The following KCNIP4 variants were observed in gnomAD, a reference collection of about 807,000 sequenced individuals.
The protein encoded by KCNIP4 is potassium voltage-gated channel interacting protein 4, also known as Kv channel-interacting protein 4.
Under a neutral mutation model 34.0 loss-of-function variants are expected in KCNIP4, and 12 were observed. The ratio of observed to expected loss-of-function variants is 0.35; its 90% confidence interval spans 0.23 to 0.57. KCNIP4 has a LOEUF of 0.57. Among genes scored for constraint, KCNIP4 ranks in the 20% least tolerant of loss-of-function variants. The pLI, the probability that KCNIP4 is intolerant of heterozygous loss-of-function variation, is 0.83. For synonymous variants in KCNIP4, 124 were observed against 102.2 expected, an observed-to-expected ratio of 1.21 and a Z score of -1.29; for missense variants, 238 against 311.7, an observed-to-expected ratio of 0.76 and a Z score of 1.78.
intron 1 of KCNIP4, among the ~76,000 whole-genome samples, chr4:20,907,257 G>A (rs577304934): frequency 6.6e-6 from 1 of 152,190 alleles, no homozygotes; most frequent in African/African-American, 2.4e-5. Flanking sequence ...ACGGTGTTTT[G>A]GAAATTAAGA....
chr4:21,381,299 G>T (rs1012540521), intron 1 of KCNIP4, among the ~76,000 whole-genome samples: 34 of 152,142 alleles, frequency 2.2e-4, no homozygotes, highest in Non-Finnish European at 4.7e-4. Flanking sequence ...TACCTCTCCA[G>T]GAGGAACAGG....
intron 5 of KCNIP4, among the ~76,000 whole-genome samples, chr4:20,737,215 G>A (rs1373206557): frequency 1.3e-5 from 2 of 152,176 alleles, no homozygotes; most frequent in Admixed American, 6.5e-5. Context: ...AGGAGAAGCT[G>A]GCAAAGCATC....
At chr4:21,689,976 T>C (rs1479974917) in intron 1 of KCNIP4, among the ~76,000 whole-genome samples, 1 of 151,958 alleles carries the variant, frequency 6.6e-6, no homozygotes, top group Admixed American at 6.6e-5. Flanking sequence ...CTGATGTCAC[T>C]GCTATATCTC....
At position 21,528,755 on chromosome 4, in the gene KCNIP4, G is replaced by GA. The variant is rs1217049488; in HGVS notation, c.61+419815dup. Among the ~76,000 whole-genome samples, 10 of 9,304 alleles carry GA rather than the reference G, an allele frequency of 1.1e-3. 1 individual carries two copies. Among genetic ancestry groups the GA allele is most frequent in the African/African-American group, 4.8e-3 (10 of 2,078 alleles). 6.1% of individuals were successfully genotyped at this position (9,304 alleles called of 152,430 possible). ...AGAAAGAAAGAAAGAAAGAAAGAAA[G>GA]AAAGAAAGAAAGAAAGAAAGAAAGG... On this transcript the variant is annotated intron_variant, in intron 1 of 8. Coordinates refer to ENST00000382152, the MANE Select transcript of KCNIP4 (RefSeq NM_025221.6).
chr4:20,963,705 A>T (rs1354992906), intron 1 of KCNIP4, among the ~76,000 whole-genome samples: 1 of 152,134 alleles, frequency 6.6e-6, no homozygotes, highest in Non-Finnish European at 1.5e-5. Context: ...ATAAGAGGGC[A>T]CTAGACATGA....
intron 1 of KCNIP4, among the ~76,000 whole-genome samples, chr4:21,426,026 C>T (rs74867298): frequency 6.6e-6 from 1 of 152,232 alleles, no homozygotes; most frequent in African/African-American, 2.4e-5. Context: ...TCACTGCACT[C>T]CAGCCTGGGC....
intron 1 of KCNIP4, among the ~76,000 whole-genome samples, chr4:21,725,987 T>C (rs1226142777): frequency 6.6e-6 from 1 of 152,158 alleles, no homozygotes; most frequent in African/African-American, 2.4e-5. Flanking sequence ...TTTGGCAATA[T>C]GTGTTTTCTT....
At chr4:21,635,482 A>G (rs1746076381) in intron 1 of KCNIP4, among the ~76,000 whole-genome samples, 1 of 152,200 alleles carries the variant, frequency 6.6e-6, no homozygotes, top group Non-Finnish European at 1.5e-5. Context: ...GGCGAAGGAC[A>G]TGAACAGACA....
chr4:21,099,729 G>C (rs1747777622), intron 1 of KCNIP4, among the ~76,000 whole-genome samples: 1 of 152,110 alleles, frequency 6.6e-6, no homozygotes. Context: ...AAATCTTCTG[G>C]AAAGGATTCA....
At chr4:21,166,552 A>G (rs895362499) in intron 1 of KCNIP4, among the ~76,000 whole-genome samples, 2 of 152,276 alleles carry the variant, frequency 1.3e-5, no homozygotes, top group African/African-American at 2.4e-5. Context: ...AGAGAACAGA[A>G]AGCATATAGA....
At chr4:21,244,039 G>A (rs991391529) in intron 1 of KCNIP4, among the ~76,000 whole-genome samples, 1 of 152,158 alleles carries the variant, frequency 6.6e-6, no homozygotes, top group African/African-American at 2.4e-5. Flanking sequence ...GCTTTCCATA[G>A]AGGAGTAAGA....
intron 1 of KCNIP4, among the ~76,000 whole-genome samples, chr4:21,140,559 C>T (rs754640934): frequency 7.9e-5 from 12 of 152,126 alleles, no homozygotes; most frequent in South Asian, 2.1e-4. Flanking sequence ...TCTCCTCCAA[C>T]GCACCCCGCT....
intron 1 of KCNIP4, among the ~76,000 whole-genome samples, chr4:21,906,620 C>T (rs1339157673): frequency 6.6e-6 from 1 of 152,046 alleles, no homozygotes; most frequent in South Asian, 2.1e-4. Flanking sequence ...TAATTTATTA[C>T]AGTGGTCCCA....
At chr4:21,242,288 A>G (rs994302227) in intron 1 of KCNIP4, among the ~76,000 whole-genome samples, 3 of 152,128 alleles carry the variant, frequency 2.0e-5, no homozygotes, top group African/African-American at 7.2e-5. Context: ...ACCCAAAACA[A>G]CACTCCAAAC....
chr4:20,838,148 C>G (rs62410693), intron 3 of KCNIP4, among the ~76,000 whole-genome samples: 27,687 of 152,072 alleles, frequency 0.18, 3,279 homozygotes, highest in Non-Finnish European at 0.26. Flanking sequence ...TAACAAGCCT[C>G]TTTGGATGAA....
At chr4:21,325,400 G>C (rs1304666463) in intron 1 of KCNIP4, among the ~76,000 whole-genome samples, 1 of 151,722 alleles carries the variant, frequency 6.6e-6, no homozygotes, top group African/African-American at 2.4e-5. Context: ...GTTGCTCATA[G>C]TAGCCTCTAG....
chr4:20,905,522 T>TTTTTTTTTTTTTTTTTTTTTTGTTTG (rs768668990), intron 1 of KCNIP4, among the ~76,000 whole-genome samples: 1 of 111,188 alleles, frequency 9.0e-6, no homozygotes, highest in Non-Finnish European at 1.8e-5. Context: ...TTTTTTTTTT[T>TTTTTTTTTTTTTTTTTTTTTTGTTTG]TTTGTTTGAG....
chr4:21,827,783 T>C (rs1333414433), intron 1 of KCNIP4, among the ~76,000 whole-genome samples: 2 of 151,994 alleles, frequency 1.3e-5, no homozygotes, highest in Admixed American at 1.3e-4. Flanking sequence ...CTCCCATGAA[T>C]TTACAATCTA....
At chr4:21,439,825 A>G (rs1301418459) in intron 1 of KCNIP4, among the ~76,000 whole-genome samples, 2 of 152,250 alleles carry the variant, frequency 1.3e-5, no homozygotes, top group African/African-American at 4.8e-5. Flanking sequence ...ATTTCTTGAT[A>G]CATGAGGAAC....
Sources: gnomAD v4.1 joint callset for allele counts (sites outside exome capture counted in the v4.1 genomes callset) on GRCh38, gnomAD v4.1.1 for gene constraint, MANE v1.5 for transcripts, NCBI Gene and HGNC (gene_info 2026-07-23, HGNC 2026-07-21) for gene names.